The following NEK11 variants were observed in gnomAD, a reference collection of about 807,000 sequenced individuals.
NEK11 encodes the protein NIMA related kinase 11, also known as serine/threonine-protein kinase Nek11.
In NEK11, 72 loss-of-function variants were observed where a neutral mutation model predicts 80.7. The observed-to-expected ratio is 0.89, with a 90% confidence interval of 0.74 to 1.08. The LOEUF is 1.08. Among genes scored for constraint, NEK11 ranks in the 50% least tolerant of loss-of-function variants. The pLI is 0.00. For synonymous variants in NEK11, 251 were observed against 260.7 expected (o/e 0.96, Z 0.36); for missense variants, 764 against 763.6 (o/e 1.00, Z -0.01).
intron 15 of NEK11, among the ~76,000 whole-genome samples, chr3:131,232,459 C>T (rs745942385): frequency 3.3e-5 from 5 of 152,120 alleles, no homozygotes; most frequent in Admixed American, 1.3e-4. Flanking sequence ...AAATCTTCCT[C>T]GGAAGGGCTT....
chr3:131,139,511 G>GA (rs2086398171), intron 7 of NEK11, among the ~76,000 whole-genome samples: 1 of 152,016 alleles, frequency 6.6e-6, no homozygotes, highest in Admixed American at 6.6e-5. Flanking sequence ...CCTGAATCTA[G>GA]AAAAAGATAT....
At chr3:131,276,350 G>A (rs919418971) in intron 17 of NEK11, among the ~76,000 whole-genome samples, 2 of 152,208 alleles carry the variant, frequency 1.3e-5, no homozygotes, top group African/African-American at 2.4e-5. Flanking sequence ...GAGAAGTCAA[G>A]CTGTGACATG....
intron 3 of NEK11, among the ~76,000 whole-genome samples, chr3:131,030,451 C>T (rs2064664815): frequency 6.6e-6 from 1 of 152,100 alleles, no homozygotes; most frequent in Admixed American, 6.5e-5. Flanking sequence ...GTCTCAGTGA[C>T]AATATTACTT....
intron 3 of NEK11, among the ~76,000 whole-genome samples, chr3:131,035,068 AT>A (rs2065445621): frequency 6.6e-6 from 1 of 152,242 alleles, no homozygotes; most frequent in Non-Finnish European, 1.5e-5. Flanking sequence ...TACAGAAGGC[AT>A]TTTTTCCCCC....
chr3:131,117,739 A>G (rs1553880323), intron 5 of NEK11, among the ~76,000 whole-genome samples: 1 of 152,120 alleles, frequency 6.6e-6, no homozygotes, highest in African/African-American at 2.4e-5. Context: ...CTTTGAAGCA[A>G]TTGTGAATGG....
intron 14 of NEK11, among the ~76,000 whole-genome samples, chr3:131,204,976 G>C (rs1016080879): frequency 5.3e-5 from 8 of 152,082 alleles, no homozygotes; most frequent in African/African-American, 1.9e-4. Context: ...CTAAACATGA[G>C]TTATAGTTCA....
chr3:131,310,624 G>A (rs769505294), intron 17 of NEK11, among the ~76,000 whole-genome samples: 6 of 152,094 alleles, frequency 3.9e-5, no homozygotes, highest in Admixed American at 6.6e-5. Context: ...AGTGAAAAGC[G>A]ATGTCAGAGG....
chr3:131,150,330 A>G lies in NEK11; in HGVS notation c.648-2058A>G, dbSNP rs374902953. Among the ~76,000 whole-genome samples, 12 of 152,112 alleles carry G rather than the reference A, an allele frequency of 7.9e-5. No individual in the cohort carries two copies. The East Asian group carries it at 9.6e-4, about 12-fold the overall frequency. On this transcript the variant is annotated intron_variant, in intron 7 of 17. Coordinates refer to ENST00000383366, the MANE Select transcript of NEK11 (RefSeq NM_024800.5). ...TGGTTGCATTTACATCAACTTGCCA[A>G]TTATGTCCATTTTGTCATCGTGTAG...
chr3:131,215,901 G>A (rs1246382776), intron 14 of NEK11, among the ~76,000 whole-genome samples: 1 of 152,224 alleles, frequency 6.6e-6, no homozygotes, highest in Non-Finnish European at 1.5e-5. Flanking sequence ...TATTTAGAGA[G>A]GTGACAGCCT....
chr3:131,066,387 C>T (rs2071953780), intron 3 of NEK11, among the ~76,000 whole-genome samples: 1 of 152,110 alleles, frequency 6.6e-6, no homozygotes, highest in Non-Finnish European at 1.5e-5. Context: ...GAGGGCACCT[C>T]TCCCTTTTTT....
chr3:131,158,311 G>A (rs1241193065), intron 10 of NEK11, among the ~76,000 whole-genome samples: 1 of 152,086 alleles, frequency 6.6e-6, no homozygotes, highest in Non-Finnish European at 1.5e-5. Flanking sequence ...TGCTTTTCTG[G>A]CATCTATATA....
intron 17 of NEK11, among the ~76,000 whole-genome samples, chr3:131,298,725 G>A (rs1192174654): frequency 6.6e-6 from 1 of 151,888 alleles, no homozygotes; most frequent in African/African-American, 2.4e-5. Context: ...TAATGGTGGT[G>A]GTGTTTCTTT....
At chr3:131,288,808 T>C (rs532708603) in intron 17 of NEK11, among the ~76,000 whole-genome samples, 1 of 152,336 alleles carries the variant, frequency 6.6e-6, no homozygotes, top group African/African-American at 2.4e-5. Flanking sequence ...TTCCTGACTT[T>C]ATTTTTCCTC....
intron 3 of NEK11, among the ~76,000 whole-genome samples, chr3:131,038,542 G>C (rs550121114): frequency 6.6e-6 from 1 of 152,306 alleles, no homozygotes; most frequent in African/African-American, 2.4e-5. Flanking sequence ...AGGCTGCAGG[G>C]AAACCCTCAG....
At chr3:131,234,875 C>T (rs756920846) in intron 15 of NEK11, among the ~76,000 whole-genome samples, 12 of 151,226 alleles carry the variant, frequency 7.9e-5, no homozygotes, top group Admixed American at 2.6e-4. Flanking sequence ...GGGGTACATG[C>T]GTGAGTTTGT....
intron 7 of NEK11, among the ~76,000 whole-genome samples, chr3:131,139,485 T>C (rs1475013154): frequency 6.6e-6 from 1 of 151,916 alleles, no homozygotes; most frequent in African/African-American, 2.4e-5. Flanking sequence ...TTAAAAGGAA[T>C]AGTAACAGAG....
At chr3:131,207,719 A>T (rs2094486108) in intron 14 of NEK11, among the ~76,000 whole-genome samples, 1 of 152,306 alleles carries the variant, frequency 6.6e-6, no homozygotes, top group South Asian at 2.1e-4. Flanking sequence ...ATGGCCAGTG[A>T]TGATGAGCAT....
At chr3:131,285,424 C>T (rs1283320583) in intron 17 of NEK11, among the ~76,000 whole-genome samples, 2 of 152,208 alleles carry the variant, frequency 1.3e-5, no homozygotes, top group African/African-American at 4.8e-5. Flanking sequence ...CAGTCACTCA[C>T]TGCAGGAATG....
At chr3:131,180,921 A>G (rs1579696335) in intron 14 of NEK11, among the ~76,000 whole-genome samples, 2 of 152,214 alleles carry the variant, frequency 1.3e-5, no homozygotes, top group African/African-American at 4.8e-5. Flanking sequence ...CTGCTGGAGG[A>G]CAGGGTTATA....
Sources: gnomAD v4.1 joint callset for allele counts (sites outside exome capture counted in the v4.1 genomes callset) on GRCh38, gnomAD v4.1.1 for gene constraint, MANE v1.5 for transcripts, NCBI Gene and HGNC (gene_info 2026-07-23, HGNC 2026-07-21) for gene names.